PAK5: variants seen among roughly 807,000 people sequenced by gnomAD.
PAK5 encodes serine/threonine-protein kinase PAK 5.
In PAK5, 16 loss-of-function variants were observed where a neutral mutation model predicts 65.9. The ratio of observed to expected loss-of-function variants is 0.24; its 90% CI spans 0.16 to 0.37. The LOEUF is 0.37. Among genes scored for constraint, PAK5 ranks in the 10% least tolerant of loss-of-function variants. PAK5 has a pLI of 1.00. For missense variants in PAK5, 785 were observed against 903.9 expected (o/e 0.87, Z 1.69); for synonymous variants, 371 against 354.9 (o/e 1.05, Z -0.51).
intron 1 of PAK5, among the ~76,000 whole-genome samples, chr20:9,738,874 T>C (rs1444972004): frequency 7.6e-6 from 1 of 130,946 alleles, no homozygotes; most frequent in Admixed American, 8.5e-5. Flanking sequence ...TGTTCATTTT[T>C]TTAAGGAGAG....
chr20:9,613,735 C>T (rs2046606681), intron 3 of PAK5, among the ~76,000 whole-genome samples: 1 of 152,138 alleles, frequency 6.6e-6, no homozygotes, highest in Admixed American at 6.5e-5. Flanking sequence ...ACTCCATTTC[C>T]CCCTAGCCAC....
intron 1 of PAK5, among the ~76,000 whole-genome samples, chr20:9,718,602 T>C (rs1364727511): frequency 1.3e-5 from 2 of 152,138 alleles, no homozygotes; most frequent in Non-Finnish European, 2.9e-5. Context: ...TAGATCCCAT[T>C]AGATTAAAAC....
intron 1 of PAK5, among the ~76,000 whole-genome samples, chr20:9,778,049 GT>G (rs1352803656): frequency 6.6e-6 from 1 of 152,146 alleles, no homozygotes; most frequent in Non-Finnish European, 1.5e-5. Context: ...GTGTTCTAGT[GT>G]TTAATTATTT....
chr20:9,737,711 C>G (rs1297012825), intron 1 of PAK5, among the ~76,000 whole-genome samples: 1 of 152,028 alleles, frequency 6.6e-6, no homozygotes, highest in Non-Finnish European at 1.5e-5. Context: ...TTAGAGATGA[C>G]AACTATACAC....
chr20:9,629,732 C>T (rs977757839), intron 3 of PAK5, among the ~76,000 whole-genome samples: 9 of 152,170 alleles, frequency 5.9e-5, no homozygotes, highest in African/African-American at 2.2e-4. Flanking sequence ...AACAATGTCA[C>T]ATTGGGGATT....
At chr20:9,549,619 A>G (rs1348651590) in intron 7 of PAK5, among the ~76,000 whole-genome samples, 1 of 152,186 alleles carries the variant, frequency 6.6e-6, no homozygotes, top group African/African-American at 2.4e-5. Flanking sequence ...AGGAAAATAA[A>G]AACTCAGGAC....
chr20:9,708,862 A>G (rs2048042174), intron 2 of PAK5, among the ~76,000 whole-genome samples: 1 of 152,084 alleles, frequency 6.6e-6, no homozygotes, highest in African/African-American at 2.4e-5. Flanking sequence ...CTGTATCCCA[A>G]AGTTACCTAA....
At chr20:9,731,967 A>C (rs2048339098) in intron 1 of PAK5, among the ~76,000 whole-genome samples, 1 of 152,224 alleles carries the variant, frequency 6.6e-6, no homozygotes, top group Non-Finnish European at 1.5e-5. Context: ...TTTTATAATC[A>C]GCTTCCAATG....
intron 4 of PAK5, among the ~76,000 whole-genome samples, chr20:9,570,520 A>C (rs2045761581): frequency 6.6e-6 from 1 of 152,166 alleles, no homozygotes; most frequent in Non-Finnish European, 1.5e-5. Context: ...GTGTAAGTTA[A>C]ACTACGATGG....
chr20:9,740,467 CCATGTAA>C (rs1296126337), intron 1 of PAK5, among the ~76,000 whole-genome samples: 1 of 152,160 alleles, frequency 6.6e-6, no homozygotes, highest in Non-Finnish European at 1.5e-5. Flanking sequence ...ATACCTTTTG[CCATGTAA>C]CATTGCAGTG....
At chr20:9,618,403 CTTTTTTTT>C (rs58376139) in intron 3 of PAK5, among the ~76,000 whole-genome samples, 7 of 129,802 alleles carry the variant, frequency 5.4e-5, no homozygotes, top group African/African-American at 2.1e-4. Flanking sequence ...CGGCCTGGAA[CTTTTTTTT>C]TTTTTTTTTT....
At chr20:9,631,539 C>G (rs552353526) in intron 3 of PAK5, among the ~76,000 whole-genome samples, 6 of 152,160 alleles carry the variant, frequency 3.9e-5, no homozygotes, top group Non-Finnish European at 5.9e-5. Context: ...GGATTCTTCC[C>G]CATTTGAGCC....
chr20:9,593,760 C>A (rs1296544562), intron 3 of PAK5, among the ~76,000 whole-genome samples: 1 of 152,118 alleles, frequency 6.6e-6, no homozygotes, highest in Non-Finnish European at 1.5e-5. Flanking sequence ...TATACAGAAT[C>A]AAATCATGTC....
intron 7 of PAK5, among the ~76,000 whole-genome samples, chr20:9,549,479 G>T (rs2045394198): frequency 6.6e-6 from 1 of 152,124 alleles, no homozygotes; most frequent in East Asian, 1.9e-4. Context: ...GGAGTGATGG[G>T]GGATAGCCTA....
intron 7 of PAK5, among the ~76,000 whole-genome samples, chr20:9,546,761 C>A (rs1156758057): frequency 6.6e-6 from 1 of 152,080 alleles, no homozygotes; most frequent in East Asian, 1.9e-4. Flanking sequence ...TGAGGGCATC[C>A]CTAGTAGCCT....
chr20:9,543,630 G>A (rs1021640273), intron 8 of PAK5, among the ~76,000 whole-genome samples: 1 of 152,112 alleles, frequency 6.6e-6, no homozygotes, highest in Non-Finnish European at 1.5e-5. Context: ...TCTTCTCCCA[G>A]ATTCACCATC....
intron 1 of PAK5, among the ~76,000 whole-genome samples, chr20:9,816,066 G>A (rs977796715): frequency 7.9e-5 from 12 of 152,214 alleles, no homozygotes; most frequent in African/African-American, 2.4e-4. Flanking sequence ...TTGGAACTCT[G>A]GGGTCAGTAC....
rs146915752 is a variant in PAK5, at chr20:9,566,674, T to C, written c.991-290A>G. Among the ~76,000 whole-genome samples, 19 of 152,256 alleles carry C rather than the reference T, an allele frequency of 1.2e-4. No individual in the cohort carries two copies. In the East Asian group the frequency reaches 3.7e-3, roughly 29 times the overall value. ...AACCCCATCCCTCATTAAAGGACATTAGTTTTCAGCTAGCATTTTTGGGAG... is the reference window on the plus strand; with the variant it reads ...AACCCCATCCCTCATTAAAGGACATCAGTTTTCAGCTAGCATTTTTGGGAG... On this transcript the variant is annotated intron_variant, in intron 4 of 9. Transcript: ENST00000353224.
intron 7 of PAK5, among the ~76,000 whole-genome samples, chr20:9,554,639 ATGT>A (rs2045479838): frequency 6.6e-6 from 1 of 152,194 alleles, no homozygotes; most frequent in African/African-American, 2.4e-5. Flanking sequence ...CCACTATATA[ATGT>A]TGTACACTAA....
Sources: gnomAD v4.1 joint callset for allele counts (sites outside exome capture counted in the v4.1 genomes callset) on GRCh38, gnomAD v4.1.1 for gene constraint, MANE v1.5 for transcripts, NCBI Gene and HGNC (gene_info 2026-07-23, HGNC 2026-07-21) for gene names.